DSCAML1: variants seen among roughly 807,000 people sequenced by gnomAD.
The protein encoded by DSCAML1 is cell adhesion molecule DSCAML1.
In DSCAML1, 38 loss-of-function variants were observed where a neutral mutation model predicts 200.5. The observed-to-expected ratio is 0.19, with a 90% CI of 0.15 to 0.25. The LOEUF is 0.25. DSCAML1 is among the 10% of genes least tolerant of loss of function. The pLI, the probability that DSCAML1 is intolerant of heterozygous loss-of-function variation, is 1.00. For synonymous variants in DSCAML1, 1,215 were observed against 1,165.0 expected, an observed-to-expected ratio of 1.04 and a Z score of -0.87; for missense variants, 2,223 against 2,858.8, an observed-to-expected ratio of 0.78 and a Z score of 5.07.
chr11:117,509,321 T>G (rs1024714736), intron 8 of DSCAML1, among the ~76,000 whole-genome samples: 1 of 152,096 alleles, frequency 6.6e-6, no homozygotes, highest in Non-Finnish European at 1.5e-5. Context: ...TTCCTTCTGG[T>G]CTTCTGAATA....
intron 3 of DSCAML1, among the ~76,000 whole-genome samples, chr11:117,691,420 G>A (rs974791999): frequency 6.6e-6 from 1 of 152,158 alleles, no homozygotes; most frequent in Non-Finnish European, 1.5e-5. Context: ...TTATGGTTAT[G>A]TATAATTCTG....
chr11:117,657,305 G>A (rs1207409569), intron 3 of DSCAML1, among the ~76,000 whole-genome samples: 1 of 152,182 alleles, frequency 6.6e-6, no homozygotes, highest in East Asian at 1.9e-4. Context: ...GCCAGCCAGA[G>A]AGAGCCTTGA....
intron 11 of DSCAML1, among the ~76,000 whole-genome samples, chr11:117,496,880 G>C (rs1287175854): frequency 6.6e-6 from 1 of 152,232 alleles, no homozygotes; most frequent in Non-Finnish European, 1.5e-5. Flanking sequence ...CATGGAGACT[G>C]TTCTATTCGA....
intron 3 of DSCAML1, among the ~76,000 whole-genome samples, chr11:117,775,176 T>C (rs2055108530): frequency 6.6e-6 from 1 of 152,164 alleles, no homozygotes; most frequent in Admixed American, 6.5e-5. Flanking sequence ...CACCAGCCCA[T>C]GGTCCCTGCC....
chr11:117,484,417 G>A (rs1018817030), intron 11 of DSCAML1, among the ~76,000 whole-genome samples: 28 of 152,168 alleles, frequency 1.8e-4, no homozygotes, highest in Admixed American at 1.6e-3. Flanking sequence ...CCAGGCCCCC[G>A]CACCAGCCTC....
At chr11:117,529,683 C>T (rs570713154) in intron 4 of DSCAML1, among the ~76,000 whole-genome samples, 1 of 152,100 alleles carries the variant, frequency 6.6e-6, no homozygotes, top group East Asian at 1.9e-4. Context: ...GTGCCATTCT[C>T]ATCCGCAACA....
rs201385716 is a variant in DSCAML1, at chr11:117,564,670, C to CTCCT, written c.512-32152_512-32149dup. Among the ~76,000 whole-genome samples, 642 of 150,602 alleles carry CTCCT rather than the reference C, an allele frequency of 4.3e-3. 3 individuals are homozygous for CTCCT. Among genetic ancestry groups the CTCCT allele is most frequent in the Non-Finnish European group, 6.7e-3 (453 of 67,622 alleles). ...TTCTTTCTTTCTTTTTCTTTCCTTC[C>CTCCT]TCCTTCCTTCCTTCCTTCCTATCCT... On this transcript the variant is annotated intron_variant, in intron 3 of 32. Coordinates refer to ENST00000651296, the MANE Select transcript of DSCAML1 (RefSeq NM_020693.4).
rs2049472571 is a variant in DSCAML1, at chr11:117,505,324, C to T, written c.2062+130G>A. ...CCTGGAAAATAAGAGGTTTAGGCTCCAACAGGCCCTTCAAGATGCTGGAGC... is the reference window on the plus strand; with the variant it reads ...CCTGGAAAATAAGAGGTTTAGGCTCTAACAGGCCCTTCAAGATGCTGGAGC... On this transcript the variant is annotated intron_variant, in intron 9 of 32. Transcript: ENST00000651296. The surrounding 1 kb of genome is among the most constrained non-coding windows in gnomAD (Gnocchi z 6.7). 1.5e-6 allele frequency: 2 copies of T among 1,300,948 alleles called. No homozygotes were observed. Among genetic ancestry groups the T allele is most frequent in the Non-Finnish European group, 2.1e-6 (2 of 958,032 alleles). The allele number at this position is 1,300,948 out of a possible 1,614,324, so 80.6% of individuals were successfully genotyped here.
intron 4 of DSCAML1, among the ~76,000 whole-genome samples, chr11:117,526,831 T>C (rs1156388882): frequency 6.6e-6 from 1 of 152,016 alleles, no homozygotes; most frequent in Non-Finnish European, 1.5e-5. Context: ...CTTCCCCTTC[T>C]TTTAAAATAA....
chr11:117,515,178 C>G (rs543702869), intron 8 of DSCAML1, among the ~76,000 whole-genome samples: 3 of 152,376 alleles, frequency 2.0e-5, no homozygotes, highest in African/African-American at 7.2e-5. Context: ...AGAGGACAGC[C>G]TGTCCACTTA....
intron 3 of DSCAML1, among the ~76,000 whole-genome samples, chr11:117,742,488 C>T (rs7947338): frequency 0.79 from 119,987 of 152,080 alleles, 51,119 homozygotes; most frequent in Non-Finnish European, 0.94. Context: ...CTCAAATGCT[C>T]TAAAAAATAA....
intron 20 of DSCAML1, among the ~76,000 whole-genome samples, chr11:117,449,579 AGTT>A (rs1434762536): frequency 2.6e-5 from 4 of 152,114 alleles, no homozygotes; most frequent in South Asian, 2.1e-4. Context: ...GCTGATGCCC[AGTT>A]GTTGATGGAG....
At position 117,443,931 on chromosome 11, in the gene DSCAML1, G is replaced by T. The variant is rs772494685; in HGVS notation, c.3817C>A (p.Arg1273=). 3 of 1,612,836 alleles carry T rather than the reference G, an allele frequency of 1.9e-6. No individual in the cohort carries two copies. Residue 1273 remains arginine (R), a synonymous_variant, in exon 21 of 33, where the codon CGG becomes AGG. Coordinates refer to ENST00000651296, the MANE Select transcript of DSCAML1 (RefSeq NM_020693.4). Reference sequence around the variant, plus strand: ...GTCACCTTCTCGCTGCTGTTGCCCCGGCCGGCAGAGGTGACGGCGGCCACC... The same window carrying T: ...GTCACCTTCTCGCTGCTGTTGCCCCTGCCGGCAGAGGTGACGGCGGCCACC... ...LWVAAVTSAG[R]GNSSEKVTIE... is the part of the protein sequence containing the mutation.
At chr11:117,720,827 G>A (rs2054030687) in intron 3 of DSCAML1, among the ~76,000 whole-genome samples, 1 of 152,282 alleles carries the variant, frequency 6.6e-6, no homozygotes, top group Middle Eastern at 3.4e-3. Context: ...CACATAATAA[G>A]TGCTTAATAA....
At position 117,480,620 on chromosome 11, in the gene DSCAML1, C is replaced by A; in HGVS notation, c.2657-49G>T. 6.5e-7 allele frequency: 1 copy of A among 1,545,810 alleles called. No homozygotes were observed. Reference sequence around the variant, plus strand: ...GGGAAGTGAGGAGGGCAGCAGGGAGCTTGGCCTCCTGCTTGGCCCTGAGGA... The same window carrying A: ...GGGAAGTGAGGAGGGCAGCAGGGAGATTGGCCTCCTGCTTGGCCCTGAGGA... On this transcript the variant is annotated intron_variant, in intron 13 of 32. Coordinates refer to ENST00000651296, the MANE Select transcript of DSCAML1 (RefSeq NM_020693.4). This position sits in a 1 kb window ranked among gnomAD's most constrained non-coding sequence, Gnocchi z 4.1.
chr11:117,815,687 C>T (rs1436989395), intron 1 of DSCAML1, among the ~76,000 whole-genome samples: 3 of 151,982 alleles, frequency 2.0e-5, no homozygotes, highest in South Asian at 2.1e-4. Context: ...AGCAGGTAGC[C>T]CAGCAAGCCC....
intron 3 of DSCAML1, among the ~76,000 whole-genome samples, chr11:117,610,862 T>G (rs2051677408): frequency 7.5e-6 from 1 of 134,154 alleles, no homozygotes; most frequent in Non-Finnish European, 1.6e-5. Flanking sequence ...CACAATGTGT[T>G]CGTAGACTTC....
At chr11:117,595,740 C>A (rs1248343604) in intron 3 of DSCAML1, among the ~76,000 whole-genome samples, 2 of 151,974 alleles carry the variant, frequency 1.3e-5, no homozygotes, top group Non-Finnish European at 2.9e-5. Context: ...TTGTGTGGGT[C>A]ACCCTGAGTT....
At chr11:117,775,824 T>C (rs6589623) in intron 3 of DSCAML1, among the ~76,000 whole-genome samples, 2,427 of 152,166 alleles carry the variant, frequency 0.016, 58 homozygotes, top group African/African-American at 0.051. Flanking sequence ...ACAGGTTCCA[T>C]GAATAGAAGT....
Sources: gnomAD v4.1 joint callset for allele counts (sites outside exome capture counted in the v4.1 genomes callset) on GRCh38, gnomAD v4.1.1 for gene constraint, Gnocchi (gnomAD v3.1) non-coding constraint, MANE v1.5 for transcripts, NCBI Gene and HGNC (gene_info 2026-07-23, HGNC 2026-07-21) for gene names.